The following NPAS2 variants were observed in gnomAD, a reference collection of about 807,000 sequenced individuals.
NPAS2 encodes the protein neuronal PAS domain protein 2, also known as neuronal PAS domain-containing protein 2.
In NPAS2, 23 loss-of-function variants were observed where a neutral mutation model predicts 107.5. The observed-to-expected ratio is 0.21, with a 90% CI of 0.15 to 0.30. The LOEUF (loss-of-function observed/expected upper bound fraction) is 0.30. Ranked by LOEUF, NPAS2 falls within the 10% of genes least tolerant of loss-of-function variation. The pLI is 1.00. For missense variants in NPAS2, 756 were observed against 1,043.3 expected (o/e 0.72, Z 3.79); for synonymous variants, 403 against 417.5 (o/e 0.97, Z 0.42).
At chr2:100,877,857 C>A in intron 1 of NPAS2, 3 of 549,052 alleles carry the variant, frequency 5.5e-6, no homozygotes, top group Non-Finnish European at 7.0e-6. Context: ...ATTTCACATA[C>A]TGCCTTGTAA....
intron 1 of NPAS2, among the ~76,000 whole-genome samples, chr2:100,865,004 C>T (rs1679167800): frequency 6.6e-6 from 1 of 152,136 alleles, no homozygotes; most frequent in South Asian, 2.1e-4. Context: ...CTTCAATGTC[C>T]AGCTTCACAG....
chr2:100,839,840 G>A (rs1443034401), intron 1 of NPAS2, among the ~76,000 whole-genome samples: 3 of 151,158 alleles, frequency 2.0e-5, no homozygotes, highest in Non-Finnish European at 4.4e-5. Flanking sequence ...AAGAATATTT[G>A]TGCTTCACTT....
At chr2:100,940,328 G>T (rs1674500455) in intron 5 of NPAS2, among the ~76,000 whole-genome samples, 1 of 152,174 alleles carries the variant, frequency 6.6e-6, no homozygotes, top group African/African-American at 2.4e-5. Context: ...CCAGGATTTG[G>T]GTCATAATTT....
At chr2:100,850,500 C>G (rs1317475236) in intron 1 of NPAS2, among the ~76,000 whole-genome samples, 1 of 152,098 alleles carries the variant, frequency 6.6e-6, no homozygotes, top group Admixed American at 6.5e-5. Context: ...CATTTTGTAT[C>G]AAGGTATCCA....
At chr2:100,972,332 G>A (rs1235314039) in intron 12 of NPAS2, among the ~76,000 whole-genome samples, 3 of 152,168 alleles carry the variant, frequency 2.0e-5, no homozygotes, top group African/African-American at 4.8e-5. Context: ...GGAAGGACAC[G>A]TCTTAATTTC....
At chr2:100,830,713 G>T (rs1242680609) in intron 1 of NPAS2, among the ~76,000 whole-genome samples, 4 of 152,150 alleles carry the variant, frequency 2.6e-5, no homozygotes, top group Non-Finnish European at 5.9e-5. Flanking sequence ...GTAGAAGTCA[G>T]ATCTGTCTTT....
In NPAS2 at chr2:100,862,162, A is replaced by G. The variant is rs1427156652; in HGVS notation, c.-23+41748A>G. ...TATCGGATGGGTAAAAGGAAAAAAA[A>G]GAATACATCTCAAAGAAAGCTGTAG... On this transcript the variant is annotated intron_variant, in intron 1 of 20. Coordinates refer to ENST00000335681, the MANE Select transcript of NPAS2 (RefSeq NM_002518.4). Among the ~76,000 whole-genome samples, 4 of 152,342 alleles carry G rather than the reference A, an allele frequency of 2.6e-5. No homozygotes were observed. The East Asian group carries it at 7.7e-4, about 29-fold the overall frequency.
rs750128945 is a variant in NPAS2 at position 100,932,966 on chromosome 2, C to T, written c.238C>T (p.Leu80Phe). ...DIQQDWKPSF[L>F]SNEEFTQLML... ...TCAGCAAGACTGGAAGCCTTCATTCCTCAGTAATGAAGAATTCACCCAGCT... is the reference window on the plus strand; with the variant it reads ...TCAGCAAGACTGGAAGCCTTCATTCTTCAGTAATGAAGAATTCACCCAGCT... The change falls in exon 4 of 21, where the codon CTC becomes TTC. Residue 80 changes from leucine to phenylalanine, a missense_variant. Transcript: ENST00000335681. 6.2e-7 allele frequency: 1 copy of T among 1,613,964 alleles called. No homozygotes were observed. The highest frequency in any genetic ancestry group is 8.5e-7 in the Non-Finnish European group (1 of 1,179,832).
intron 5 of NPAS2, among the ~76,000 whole-genome samples, chr2:100,939,453 T>G (rs1429087508): frequency 6.6e-6 from 1 of 152,152 alleles, no homozygotes. Context: ...AGGGTGCAGC[T>G]GCACCTTGAT....
intron 1 of NPAS2, among the ~76,000 whole-genome samples, chr2:100,876,761 A>G (rs1450620503): frequency 1.3e-5 from 2 of 152,056 alleles, no homozygotes; most frequent in African/African-American, 4.8e-5. Context: ...CTGTCTGGAA[A>G]ACAGGTCCCG....
At chr2:100,843,106 C>A (rs1677546144) in intron 1 of NPAS2, among the ~76,000 whole-genome samples, 1 of 151,884 alleles carries the variant, frequency 6.6e-6, no homozygotes, top group Admixed American at 6.6e-5. Context: ...GTAGTCCCAG[C>A]TACTCGGGAG....
At chr2:100,916,012 A>G (rs1558868845) in intron 2 of NPAS2, among the ~76,000 whole-genome samples, 1 of 152,208 alleles carries the variant, frequency 6.6e-6, no homozygotes, top group Non-Finnish European at 1.5e-5. Context: ...TTGAAATGAT[A>G]AAATATTCTA....
At chr2:100,878,611 A>G (rs1680134763) in intron 1 of NPAS2, 3 of 985,432 alleles carry the variant, frequency 3.0e-6, no homozygotes, top group Non-Finnish European at 3.6e-6. Context: ...ATACACTTTC[A>G]GCTATCTGCT....
intron 1 of NPAS2, among the ~76,000 whole-genome samples, chr2:100,903,179 G>A (rs549849906): frequency 3.8e-4 from 58 of 152,306 alleles, no homozygotes; most frequent in African/African-American, 1.3e-3. Flanking sequence ...CAGCGTGGCC[G>A]GGTCCTTGCT....
At chr2:100,833,364 T>C (rs1676863524) in intron 1 of NPAS2, among the ~76,000 whole-genome samples, 1 of 152,232 alleles carries the variant, frequency 6.6e-6, no homozygotes, top group African/African-American at 2.4e-5. Flanking sequence ...AAAGTAGTGC[T>C]ATTGATTTAT....
intron 1 of NPAS2, among the ~76,000 whole-genome samples, chr2:100,879,932 G>A (rs543550768): frequency 2.2e-4 from 33 of 152,264 alleles, no homozygotes; most frequent in Non-Finnish European, 2.6e-4. Flanking sequence ...CAGGGACACC[G>A]GGCCCACTTC....
intron 1 of NPAS2, among the ~76,000 whole-genome samples, chr2:100,838,798 G>A (rs1158737781): frequency 6.6e-6 from 1 of 152,116 alleles, no homozygotes; most frequent in Non-Finnish European, 1.5e-5. Context: ...TGTTAGTACT[G>A]CTTAGAAAGT....
rs377183472 is a variant in NPAS2, at chr2:100,907,631, A to G, written c.32+2845A>G. Among the ~76,000 whole-genome samples the G allele has an allele frequency of 3.3e-5, 5 of 152,096 alleles. No individual in the cohort carries two copies. In the East Asian group the frequency reaches 7.7e-4, roughly 24 times the overall value. On this transcript the variant is annotated intron_variant, in intron 2 of 20. Coordinates refer to ENST00000335681, the MANE Select transcript of NPAS2 (RefSeq NM_002518.4). ...CATGAATTGTTTTTACTCACCCATT[A>G]TTTTTGATGAGATTAGAAATGTTTA...
chr2:100,949,601 G>A (rs1573697979), intron 7 of NPAS2, 121 bp downstream of exon 7: 4 of 635,638 alleles, frequency 6.3e-6, no homozygotes, highest in Non-Finnish European at 1.1e-5. Context: ...ATTTGCATTT[G>A]AATTTTCGAG....
Sources: allele counts gnomAD v4.1 joint callset (sites outside exome capture counted in the v4.1 genomes callset), GRCh38; gene constraint gnomAD v4.1.1; transcripts MANE v1.5; gene names NCBI Gene and HGNC (gene_info 2026-07-23, HGNC 2026-07-21).